GDF11: variants seen among roughly 807,000 people sequenced by gnomAD.
GDF11 encodes the protein growth differentiation factor 11.
A neutral mutation model predicts 34.4 loss-of-function variants in GDF11; 12 were observed. The observed-to-expected ratio is 0.35, with a 90% CI of 0.22 to 0.57. The LOEUF (loss-of-function observed/expected upper bound fraction) is 0.57. GDF11 is among the 20% of genes least tolerant of loss of function. The pLI, the probability that GDF11 is intolerant of heterozygous loss-of-function variation, is 0.86. For synonymous variants in GDF11, 212 were observed against 231.1 expected, an observed-to-expected ratio of 0.92 and a Z score of 0.75; for missense variants, 346 against 548.2, an observed-to-expected ratio of 0.63 and a Z score of 3.68.
In GDF11 at chr12:55,748,505, C is replaced by T; in HGVS notation, c.446-81C>T. 7.3e-7 allele frequency: 1 copy of T among 1,361,848 alleles called. No homozygotes were observed. The highest frequency in any genetic ancestry group is 1.0e-6 in the Non-Finnish European group (1 of 999,836). The allele number at this position is 1,361,848 out of a possible 1,614,324, so 84.4% of individuals were successfully genotyped here. On this transcript the variant is annotated intron_variant, in intron 1 of 2. Transcript: ENST00000257868. The surrounding 1 kb of genome is among the most constrained non-coding windows in gnomAD (Gnocchi z 5.6). ...AACTGGAAAATCAGGCTGAGAAGTC[C>T]AAAATTGCCAGTGCCACCCAGGACT... is the stretch of plus-strand genomic sequence containing the variant.
Position 55,752,132 on chromosome 12 carries a change from A to G in GDF11, c.*2250A>G, listed in dbSNP as rs1878340183. The G allele has an allele frequency of 2.0e-5, 3 of 152,260 alleles. No individual in the cohort carries two copies. Among genetic ancestry groups the G allele is most frequent in the Admixed American group, 2.0e-4 (3 of 15,274 alleles). 9.4% of individuals were successfully genotyped at this position (152,260 alleles called of 1,614,324 possible). A position where few individuals can be genotyped will look rare whatever the true frequency, so the allele number is the denominator to read the frequency against. On this transcript the variant is annotated 3_prime_UTR_variant, in exon 3 of 3. Coordinates refer to ENST00000257868, the MANE Select transcript of GDF11 (RefSeq NM_005811.5). ...TCCTTCTGCCCCAATCCTGAAGGAC[A>G]AGACACACCCGGCCATCAACACCAC...
In GDF11 at chr12:55,749,044, A is replaced by G; in HGVS notation, c.843+61A>G. The G allele has an allele frequency of 1.4e-6, 2 of 1,464,574 alleles. No individual in the cohort carries two copies. The highest frequency in any genetic ancestry group is 1.8e-6 in the Non-Finnish European group (2 of 1,098,524). The allele number at this position is 1,464,574 out of a possible 1,614,324, so 90.7% of individuals were successfully genotyped here. ...CCTGGCCCTGAGGAGATAGGGTTAC[A>G]TTGGAAAAGGTAGACAAGGAATGTG... is the stretch of plus-strand genomic sequence containing the variant. On this transcript the variant is annotated intron_variant, in intron 2 of 2. Coordinates refer to ENST00000257868, the MANE Select transcript of GDF11 (RefSeq NM_005811.5). The surrounding 1 kb of genome is among the most constrained non-coding windows in gnomAD (Gnocchi z 5.6).
At position 55,748,151 on chromosome 12, in the gene GDF11, C is replaced by CT. The variant is rs1878223263; in HGVS notation, c.446-434dup. Among the ~76,000 whole-genome samples, 1 of 152,180 alleles carries CT rather than the reference C, an allele frequency of 6.6e-6. No homozygotes were observed. The highest frequency in any genetic ancestry group is 1.5e-5 in the Non-Finnish European group (1 of 68,034). On this transcript the variant is annotated intron_variant, in intron 1 of 2. Coordinates refer to ENST00000257868, the MANE Select transcript of GDF11 (RefSeq NM_005811.5). This position sits in a 1 kb window ranked among gnomAD's most constrained non-coding sequence, Gnocchi z 5.6. ...TTGTGGGGGAGGGATGTGCCAGGCT[C>CT]TACCTGTCCAGCAGATAAATCAGAG...
chr12:55,745,822 C>T (rs1878171832), intron 1 of GDF11, among the ~76,000 whole-genome samples: 1 of 151,304 alleles, frequency 6.6e-6, no homozygotes, highest in Non-Finnish European at 1.5e-5. Context: ...CTCTCAGGCT[C>T]TCCCACCAAG....
chr12:55,749,140 G>T lies in GDF11; in HGVS notation c.843+157G>T, dbSNP rs1227025113. Among the ~76,000 whole-genome samples, 1 of 152,200 alleles carries T rather than the reference G, an allele frequency of 6.6e-6. No individual in the cohort carries two copies. The highest frequency in any genetic ancestry group is 2.4e-5 in the African/African-American group (1 of 41,444). On this transcript the variant is annotated intron_variant, in intron 2 of 2. Coordinates refer to ENST00000257868, the MANE Select transcript of GDF11 (RefSeq NM_005811.5). The surrounding 1 kb of genome is among the most constrained non-coding windows in gnomAD (Gnocchi z 5.6). ...TTCTAGAGGAGGAGGTGAGGAGTGG[G>T]GTGGCAACTATTACTTCTCAAGGAT...
intron 1 of GDF11, among the ~76,000 whole-genome samples, chr12:55,746,311 T>G (rs944746000): frequency 6.6e-6 from 1 of 152,172 alleles, no homozygotes; most frequent in Non-Finnish European, 1.5e-5. Context: ...TTTCTAACCA[T>G]CACCCACTCC....
rs1450047181 is a variant in GDF11 at position 55,743,499 on chromosome 12, C to G, written c.183C>G (p.Gly61=). The stretch of plus-strand genomic sequence containing the variant: ...CGTCCGTGGCGCCCGAGCCGGACGG[C>G]TGCCCCGTGTGCGTTTGGCGGCAGC... ...PAPSVAPEPD[G]CPVCVWRQHS... Residue 61 remains glycine (G), a synonymous_variant, in exon 1 of 3, where the codon GGC becomes GGG. Coordinates refer to ENST00000257868, the MANE Select transcript of GDF11 (RefSeq NM_005811.5). 3 of 1,581,838 alleles carry G rather than the reference C, an allele frequency of 1.9e-6. No homozygotes were observed. Among genetic ancestry groups the G allele is most frequent in the Non-Finnish European group, 2.6e-6 (3 of 1,171,476 alleles).
In GDF11 at chr12:55,743,503, C is replaced by G. The variant is rs1252560217; in HGVS notation, c.187C>G (p.Pro63Ala). The change falls in exon 1 of 3, where the codon CCC becomes GCC. Residue 63 changes from proline (P) to alanine (A), a missense_variant. This residue lies in a region of GDF11 where 141 missense variants were observed against 213.8 expected (regional missense o/e 0.66). Transcript: ENST00000257868. ...PSVAPEPDGC[P>A]VCVWRQHSRE... ...CGTGGCGCCCGAGCCGGACGGCTGC[C>G]CCGTGTGCGTTTGGCGGCAGCACAG... The G allele has an allele frequency of 6.3e-7, 1 of 1,587,854 alleles. No homozygotes were observed.
In GDF11 at chr12:55,743,285, GC is replaced by G; in HGVS notation, c.-26del. 6.8e-6 allele frequency: 2 copies of G among 293,110 alleles called. No homozygotes were observed. The highest frequency in any genetic ancestry group is 9.7e-6 in the Non-Finnish European group (2 of 205,760). The allele number at this position is 293,110 out of a possible 1,614,324, so 18.2% of individuals were successfully genotyped here. On this transcript the variant is annotated 5_prime_UTR_variant, in exon 1 of 3. Coordinates refer to ENST00000257868, the MANE Select transcript of GDF11 (RefSeq NM_005811.5). ...CTCCCCGCGGGACTCCGGCGTCCCC[GC>G]CCCCCAGTCCTCCCTCCCCTCCCCT...
intron 1 of GDF11, among the ~76,000 whole-genome samples, chr12:55,745,933 A>G (rs530775069): frequency 1.9e-4 from 27 of 145,238 alleles, no homozygotes; most frequent in African/African-American, 3.0e-4. Context: ...CTCTCAGCCC[A>G]ACCTCCTGCC....
rs1283283610 is a variant in GDF11, at chr12:55,749,480, T to C, written c.844-22T>C. Reference sequence around the variant, plus strand: ...CTGTTCAGGACCATATCACATTTCTTTCCCCTCTCCCTGACCCTCAGCATC... The same window carrying C: ...CTGTTCAGGACCATATCACATTTCTCTCCCCTCTCCCTGACCCTCAGCATC... On this transcript the variant is annotated intron_variant, in intron 2 of 2. Transcript: ENST00000257868. The surrounding 1 kb of genome is among the most constrained non-coding windows in gnomAD (Gnocchi z 5.6). 1.3e-6 allele frequency: 2 copies of C among 1,588,624 alleles called. No individual in the cohort carries two copies.
rs531910216 is a variant in GDF11 at position 55,749,570 on chromosome 12, C to T, written c.912C>T (p.Cys304=). 7.4e-6 allele frequency: 12 copies of T among 1,614,006 alleles called. No individual in the cohort carries two copies. The highest frequency in any genetic ancestry group is 5.5e-5 in the South Asian group (5 of 91,078). ...KRSRRNLGLD[C]DEHSSESRCC... Reference sequence around the variant, plus strand: ...CCCGGCGGAACCTGGGTCTGGACTGCGACGAGCACTCAAGCGAGTCCCGCT... The same window carrying T: ...CCCGGCGGAACCTGGGTCTGGACTGTGACGAGCACTCAAGCGAGTCCCGCT... The change falls in exon 3 of 3, where the codon TGC becomes TGT. Residue 304 remains cysteine, a synonymous_variant. Transcript: ENST00000257868. This position sits in a 1 kb window ranked among gnomAD's most constrained non-coding sequence, Gnocchi z 5.6.
intron 1 of GDF11, among the ~76,000 whole-genome samples, chr12:55,747,287 G>GA (rs1177792754): frequency 2.5e-4 from 32 of 126,696 alleles, no homozygotes; most frequent in South Asian, 4.9e-4. Context: ...GAATAATCAA[G>GA]AAAAAAAAAA....
At position 55,749,257 on chromosome 12, in the gene GDF11, G is replaced by A. The variant is rs1343959734; in HGVS notation, c.844-245G>A. On this transcript the variant is annotated intron_variant, in intron 2 of 2. Transcript: ENST00000257868. This position sits in a 1 kb window ranked among gnomAD's most constrained non-coding sequence, Gnocchi z 5.6. ...GAACAAAAAAACTGGCTGTTGAGGCGTTGGGCCAAGGGGCTGACAGGGATC... is the reference window on the plus strand; with the variant it reads ...GAACAAAAAAACTGGCTGTTGAGGCATTGGGCCAAGGGGCTGACAGGGATC... Among the ~76,000 whole-genome samples, 1 of 152,318 alleles carries A rather than the reference G, an allele frequency of 6.6e-6. No individual in the cohort carries two copies. The highest frequency in any genetic ancestry group is 1.5e-5 in the Non-Finnish European group (1 of 68,022).
Position 55,754,060 on chromosome 12 carries a change from T to C in GDF11, c.*4178T>C, listed in dbSNP as rs944804076. On this transcript the variant is annotated 3_prime_UTR_variant, in exon 3 of 3. Coordinates refer to ENST00000257868, the MANE Select transcript of GDF11 (RefSeq NM_005811.5). ...CTGCGGGTTCAATGTACTGCCATGT[T>C]TTCCCTGTCTTATCAGTTCTATCAG... 3 of 152,244 alleles carry C rather than the reference T, an allele frequency of 2.0e-5. No individual in the cohort carries two copies. The highest frequency in any genetic ancestry group is 4.8e-5 in the African/African-American group (2 of 41,458). 9.4% of individuals were successfully genotyped at this position (152,244 alleles called of 1,614,324 possible).
At position 55,755,990 on chromosome 12, in the gene GDF11, C is replaced by T. The variant is rs1352569329; in HGVS notation, c.*6108C>T. The T allele has an allele frequency of 6.6e-6, 1 of 152,196 alleles. No individual in the cohort carries two copies. Among genetic ancestry groups the T allele is most frequent in the Non-Finnish European group, 1.5e-5 (1 of 68,042 alleles). The allele number at this position is 152,196 out of a possible 1,614,324, so 9.4% of individuals were successfully genotyped here. A position where few individuals can be genotyped will look rare whatever the true frequency, so the allele number is the denominator to read the frequency against. On this transcript the variant is annotated 3_prime_UTR_variant, in exon 3 of 3. Transcript: ENST00000257868. The stretch of plus-strand genomic sequence containing the variant: ...TGTTCCACTTCATAATCAGCATCTG[C>T]TCTATTCCCTCATGTATTTTTCTCT...
intron 1 of GDF11, among the ~76,000 whole-genome samples, chr12:55,744,613 T>C (rs1248363895): frequency 5.9e-5 from 9 of 152,178 alleles, no homozygotes; most frequent in Admixed American, 5.9e-4. Context: ...TGAAATTTTA[T>C]GGCCTGGAAA....
intron 1 of GDF11, among the ~76,000 whole-genome samples, chr12:55,746,601 T>G (rs914800203): frequency 6.6e-6 from 1 of 152,226 alleles, no homozygotes; most frequent in African/African-American, 2.4e-5. Context: ...ACCAAAGACT[T>G]AGATGTAGCC....
rs1350940517 is a variant in GDF11 at position 55,753,253 on chromosome 12, TCTC to T, written c.*3374_*3376del. On this transcript the variant is annotated 3_prime_UTR_variant, in exon 3 of 3. Coordinates refer to ENST00000257868, the MANE Select transcript of GDF11 (RefSeq NM_005811.5). ...TGAGATGATCCAGCTAGTGTCCTAT[TCTC>T]CTGCAGTCCCTGTTCCTAGGTTTCC... The T allele has an allele frequency of 3.9e-5, 6 of 152,194 alleles. No individual in the cohort carries two copies. The highest frequency in any genetic ancestry group is 8.8e-5 in the Non-Finnish European group (6 of 68,048). The allele number at this position is 152,194 out of a possible 1,614,324, so 9.4% of individuals were successfully genotyped here. A position where few individuals can be genotyped will look rare whatever the true frequency, so the allele number is the denominator to read the frequency against.
Sources: allele counts gnomAD v4.1 joint callset (sites outside exome capture counted in the v4.1 genomes callset), GRCh38; gene constraint gnomAD v4.1.1; regional missense constraint gnomAD v4.1.1; non-coding constraint Gnocchi (gnomAD v3.1); transcripts MANE v1.5; gene names NCBI Gene and HGNC (gene_info 2026-07-23, HGNC 2026-07-21).